Variants in LYPD6B observed in about 807,000 individuals in gnomAD.
The protein encoded by LYPD6B is LY6/PLAUR domain containing 6B.
In LYPD6B, 17 loss-of-function variants were observed where a neutral mutation model predicts 22.8. The ratio of observed to expected loss-of-function variants is 0.75; its 90% CI spans 0.51 to 1.12. LYPD6B has a LOEUF of 1.12. Among genes scored for constraint, LYPD6B ranks in the 50% most tolerant of loss-of-function variants. The pLI is 0.00. For synonymous variants in LYPD6B, 106 were observed against 91.6 expected (o/e 1.16, Z -0.90); for missense variants, 221 against 258.3 (o/e 0.86, Z 0.99).
At chr2:149,103,627 C>A (rs1245342653) in intron 1 of LYPD6B, among the ~76,000 whole-genome samples, 1 of 152,060 alleles carries the variant, frequency 6.6e-6, no homozygotes, top group Non-Finnish European at 1.5e-5. Flanking sequence ...TTTTCTCTTG[C>A]CCCTTGGAAA....
intron 1 of LYPD6B, among the ~76,000 whole-genome samples, chr2:149,108,727 A>G (rs994317245): frequency 6.6e-6 from 1 of 152,128 alleles, no homozygotes; most frequent in Admixed American, 6.6e-5. Context: ...TCATCTTGCT[A>G]TTTATTTTAT....
At chr2:149,147,662 C>T (rs369992686) in intron 2 of LYPD6B, among the ~76,000 whole-genome samples, 74 of 152,104 alleles carry the variant, frequency 4.9e-4, no homozygotes, top group South Asian at 4.6e-3. Context: ...TACAGATGAG[C>T]GCCACCACGC....
At chr2:149,064,671 G>T (rs1684242810) in intron 1 of LYPD6B, among the ~76,000 whole-genome samples, 1 of 152,202 alleles carries the variant, frequency 6.6e-6, no homozygotes, top group Non-Finnish European at 1.5e-5. Context: ...GGCAGCTCCA[G>T]AATTCCCACT....
intron 4 of LYPD6B, among the ~76,000 whole-genome samples, 179 bp from the exon 5 acceptor site, chr2:149,208,135 T>C (rs1045540441): frequency 6.6e-6 from 1 of 152,176 alleles, no homozygotes. Context: ...CAAAAGGGAA[T>C]AAAGAAAATT....
intron 5 of LYPD6B, among the ~76,000 whole-genome samples, chr2:149,209,192 G>A (rs961077274): frequency 6.6e-6 from 1 of 152,078 alleles, no homozygotes; most frequent in Admixed American, 6.5e-5. Context: ...GAAGGCGGTA[G>A]GGAGTTTTAA....
chr2:149,175,096 T>A (rs1691199159), intron 3 of LYPD6B, among the ~76,000 whole-genome samples: 1 of 149,348 alleles, frequency 6.7e-6, no homozygotes, highest in Non-Finnish European at 1.5e-5. Context: ...TAGTCAGGTG[T>A]CACTTAATGA....
intron 1 of LYPD6B, among the ~76,000 whole-genome samples, chr2:149,097,227 C>A (rs1305839573): frequency 6.6e-6 from 1 of 152,216 alleles, no homozygotes; most frequent in Non-Finnish European, 1.5e-5. Flanking sequence ...AAGTGCAGGG[C>A]AAAGCCACTT....
intron 1 of LYPD6B, among the ~76,000 whole-genome samples, chr2:149,117,156 T>A (rs1311666438): frequency 6.6e-6 from 1 of 152,134 alleles, no homozygotes; most frequent in East Asian, 1.9e-4. Flanking sequence ...GCTGATAATT[T>A]TCCTCATTTG....
chr2:149,125,671 A>C (rs139833010), intron 1 of LYPD6B, among the ~76,000 whole-genome samples: 1 of 152,152 alleles, frequency 6.6e-6, no homozygotes, highest in Admixed American at 6.5e-5. Context: ...CCTTAACTCC[A>C]ATCACTCTCT....
chr2:149,086,547 G>T (rs1447828876), intron 1 of LYPD6B, among the ~76,000 whole-genome samples: 1 of 152,174 alleles, frequency 6.6e-6, no homozygotes, highest in African/African-American at 2.4e-5. Context: ...TTTGAGCAAG[G>T]CTGGCCTCCC....
intron 1 of LYPD6B, among the ~76,000 whole-genome samples, chr2:149,070,934 G>A (rs544648724): frequency 3.9e-5 from 6 of 152,316 alleles, no homozygotes; most frequent in Non-Finnish European, 7.3e-5. Context: ...CATATTCGCC[G>A]TGGGATAGGT....
chr2:149,064,570 T>A (rs1684238516), intron 1 of LYPD6B, among the ~76,000 whole-genome samples: 1 of 152,240 alleles, frequency 6.6e-6, no homozygotes, highest in Non-Finnish European at 1.5e-5. Flanking sequence ...TGTCATTCCC[T>A]TATCTTGCTT....
intron 1 of LYPD6B, among the ~76,000 whole-genome samples, chr2:149,091,246 A>G (rs549281284): frequency 2.0e-5 from 3 of 152,074 alleles, no homozygotes; most frequent in South Asian, 2.1e-4. Context: ...TAAAGGACCT[A>G]AATGAAATGA....
chr2:149,115,560 G>C (rs1052099253), intron 1 of LYPD6B, among the ~76,000 whole-genome samples: 2 of 152,188 alleles, frequency 1.3e-5, no homozygotes, highest in Non-Finnish European at 2.9e-5. Context: ...TTTTGAGCCA[G>C]ATCACTTAAT....
At chr2:149,155,184 C>T (rs1032803477) in intron 2 of LYPD6B, among the ~76,000 whole-genome samples, 2 of 152,232 alleles carry the variant, frequency 1.3e-5, no homozygotes, top group Non-Finnish European at 2.9e-5. Context: ...AGAAATCATC[C>T]TTTTGCTTCT....
chr2:149,085,898 C>CA (rs35370779), intron 1 of LYPD6B, among the ~76,000 whole-genome samples: 100,692 of 151,904 alleles, frequency 0.66, 33,681 homozygotes, highest in Admixed American at 0.72. Flanking sequence ...GATGGGAAGG[C>CA]GCCCTTTGCT....
At chr2:149,162,452 G>A (rs552650518) in intron 3 of LYPD6B, among the ~76,000 whole-genome samples, 4 of 152,238 alleles carry the variant, frequency 2.6e-5, no homozygotes, top group African/African-American at 9.6e-5. Flanking sequence ...GCACTGAATG[G>A]GGCCAACCCA....
At chr2:149,063,394 A>G (rs1431195760) in intron 1 of LYPD6B, among the ~76,000 whole-genome samples, 1 of 152,162 alleles carries the variant, frequency 6.6e-6, no homozygotes, top group Non-Finnish European at 1.5e-5. Flanking sequence ...CCCTACAATT[A>G]CATCGTCAAA....
At chr2:149,082,472 A>G (rs1280851561) in intron 1 of LYPD6B, among the ~76,000 whole-genome samples, 1 of 152,194 alleles carries the variant, frequency 6.6e-6, no homozygotes, top group Non-Finnish European at 1.5e-5. Context: ...GGTTTTTAGG[A>G]GAGAAATAGA....
Sources: allele counts gnomAD v4.1 joint callset (sites outside exome capture counted in the v4.1 genomes callset), GRCh38; gene constraint gnomAD v4.1.1; transcripts MANE v1.5; gene names NCBI Gene and HGNC (gene_info 2026-07-23, HGNC 2026-07-21).